The following SAMD14 variants were observed in gnomAD, a reference collection of about 807,000 sequenced individuals.
SAMD14 encodes the protein sterile alpha motif domain containing 14, also known as sterile alpha motif domain-containing protein 14.
A neutral mutation model predicts 46.2 loss-of-function variants in SAMD14; 27 were observed. That is an observed-to-expected ratio of 0.58 (90% confidence interval 0.43 to 0.81). The LOEUF (loss-of-function observed/expected upper bound fraction) is 0.81, where lower values mean the gene tolerates loss of function less well. Among genes scored for constraint, SAMD14 ranks in the 30% least tolerant of loss-of-function variants. SAMD14 has a pLI of 0.00. For missense variants in SAMD14, 559 were observed against 582.2 expected, an observed-to-expected ratio of 0.96 and a Z score of 0.41; for synonymous variants, 241 against 254.3, an observed-to-expected ratio of 0.95 and a Z score of 0.50.
rs72840634 is a variant in SAMD14 at position 50,125,890 on chromosome 17, G to A, written c.-12-919C>T. 7.4e-3 allele frequency among the ~76,000 whole-genome samples: 1,128 copies of A among 152,336 alleles called. 2 individuals are homozygous for A. The highest frequency in any genetic ancestry group is 0.015 in the South Asian group (72 of 4,830). On this transcript the variant is annotated intron_variant, in intron 1 of 9. Transcript: ENST00000330175. ...TGATGCAACTATGTTCTGGGAAGAA[G>A]TGTGAATGGGTAGGGTTTTTTTTGT...
rs1910748767 is a variant in SAMD14 at position 50,110,070 on chromosome 17, G to A, written c.*2823C>T. 6.2e-7 allele frequency: 1 copy of A among 1,610,990 alleles called. No homozygotes were observed. The highest frequency in any genetic ancestry group is 1.7e-5 in the Admixed American group (1 of 59,790). Reference sequence around the variant, plus strand: ...GGTGTGTGCCCAGCACGGAGCCCAAGAACACGTCCACGTACCGCGTCAGCT... The same window carrying A: ...GGTGTGTGCCCAGCACGGAGCCCAAAAACACGTCCACGTACCGCGTCAGCT... On this transcript the variant is annotated 3_prime_UTR_variant, in exon 10 of 10. Coordinates refer to ENST00000330175, the MANE Select transcript of SAMD14 (RefSeq NM_001257359.2).
At position 50,115,537 on chromosome 17, in the gene SAMD14, T is replaced by G. The variant is rs570788420; in HGVS notation, c.822+27A>C. 11 of 1,511,148 alleles carry G rather than the reference T, an allele frequency of 7.3e-6. No individual in the cohort carries two copies. In the African/African-American group the frequency reaches 8.4e-5, roughly 11 times the overall value. 93.6% of individuals were successfully genotyped at this position (1,511,148 alleles called of 1,614,324 possible). A position where few individuals can be genotyped will look rare whatever the true frequency, so the allele number is the denominator to read the frequency against. On this transcript the variant is annotated intron_variant, in intron 7 of 9. Coordinates refer to ENST00000330175, the MANE Select transcript of SAMD14 (RefSeq NM_001257359.2). The surrounding 1 kb of genome is among the most constrained non-coding windows in gnomAD (Gnocchi z 5.3). ...ATGTCACCTGAGACTGGGGGCCAGT[T>G]TGGGGACAAGAAAGGCATGGACTTA... is the stretch of plus-strand genomic sequence containing the variant.
chr17:50,125,145 A>G (rs1249411210), intron 1 of SAMD14, 174 bp from the exon 2 acceptor site: 1 of 613,202 alleles, frequency 1.6e-6, no homozygotes, highest in Non-Finnish European at 2.8e-6. Context: ...CATAACCCAG[A>G]TGGTGGGCGC....
chr17:50,114,057 G>T lies in SAMD14; in HGVS notation c.965C>A (p.Pro322His), dbSNP rs201563652. The change falls in exon 9 of 10, where the codon CCT becomes CAT. Residue 322 changes from proline to histidine, a missense_variant. Physicochemically the swap from Pro to His is moderately conservative, Grantham distance 77. Transcript: ENST00000330175. ...CTGCTGGCTGGTCCAGTGGTGGACA[G>T]GGGGGAGGGGTTCATCCAGGAACTG... The part of the protein sequence containing the change: ...SDEFLDEPLP[P>H]VHHWTSQQVG... 1.2e-6 allele frequency: 2 copies of T among 1,613,594 alleles called. No homozygotes were observed. The highest frequency in any genetic ancestry group is 1.7e-6 in the Non-Finnish European group (2 of 1,179,994).
At chr17:50,113,437 C>T in intron 9 of SAMD14, 1 of 251,136 alleles carries the variant, frequency 4.0e-6, no homozygotes, top group South Asian at 5.8e-5. Flanking sequence ...CTCTTTTCAC[C>T]ATCCCTGCCC....
rs543002620 is a variant in SAMD14, at chr17:50,117,738, C to G, written c.211-43G>C. On this transcript the variant is annotated intron_variant, in intron 3 of 9. Transcript: ENST00000330175. Reference sequence around the variant, plus strand: ...CGCTCACCGAGAACCCTCCTCCTCCCTTCCCGGAGGAGCTGGGAGACTTTC... The same window carrying G: ...CGCTCACCGAGAACCCTCCTCCTCCGTTCCCGGAGGAGCTGGGAGACTTTC... 2.4e-4 allele frequency: 329 copies of G among 1,397,408 alleles called. 5 individuals carry two copies. In the South Asian group the frequency reaches 5.0e-3, roughly 21 times the overall value. The allele number at this position is 1,397,408 out of a possible 1,614,324, so 86.6% of individuals were successfully genotyped here.
At chr17:50,126,214 G>T (rs1379596010) in intron 1 of SAMD14, among the ~76,000 whole-genome samples, 1 of 152,172 alleles carries the variant, frequency 6.6e-6, no homozygotes, top group East Asian at 1.9e-4. Flanking sequence ...ATGTAGGAAG[G>T]CTAGGCCACA....
intron 1 of SAMD14, among the ~76,000 whole-genome samples, chr17:50,127,458 G>A (rs868337819): frequency 2.6e-5 from 4 of 152,032 alleles, no homozygotes; most frequent in Non-Finnish European, 5.9e-5. Context: ...AAAATTAGCC[G>A]GGTGTGGTGG....
intron 7 of SAMD14, chr17:50,114,580 C>CTAA: frequency 2.1e-6 from 1 of 484,630 alleles, no homozygotes; most frequent in Non-Finnish European, 3.1e-6. Context: ...GGTGTCACTT[C>CTAA]CTACAGGCAG....
intron 9 of SAMD14, 74 bp from the exon 10 acceptor site, chr17:50,113,122 T>G: frequency 6.4e-7 from 1 of 1,559,142 alleles, no homozygotes; most frequent in Non-Finnish European, 8.7e-7. Flanking sequence ...CCAGGCTCCT[T>G]TTGCCCCAGG....
At chr17:50,126,108 GGAC>G (rs1257074500) in intron 1 of SAMD14, among the ~76,000 whole-genome samples, 1 of 152,080 alleles carries the variant, frequency 6.6e-6, no homozygotes, top group African/African-American at 2.4e-5. Flanking sequence ...TAAGGCAAGG[GGAC>G]GCTGCATGGC....
chr17:50,116,058 C>A lies in SAMD14; in HGVS notation c.532G>T (p.Ala178Ser). 6.2e-7 allele frequency: 1 copy of A among 1,613,886 alleles called. No homozygotes were observed. Among genetic ancestry groups the A allele is most frequent in the Non-Finnish European group, 8.5e-7 (1 of 1,179,864 alleles). Residue 178 changes from alanine to serine, a missense_variant, in exon 5 of 10, where the codon GCC becomes TCC. Coordinates refer to ENST00000330175, the MANE Select transcript of SAMD14 (RefSeq NM_001257359.2). ...DSRDASPPEP[A>S]SPTIGLDKKT... Reference sequence around the variant, plus strand: ...TTATCGAGGCCGATGGTGGGGCTGGCGGGCTCAGGAGGACTGGCGTCACGG... The same window carrying A: ...TTATCGAGGCCGATGGTGGGGCTGGAGGGCTCAGGAGGACTGGCGTCACGG...
chr17:50,127,058 C>T (rs936396637), intron 1 of SAMD14, among the ~76,000 whole-genome samples: 6 of 151,090 alleles, frequency 4.0e-5, no homozygotes, highest in Non-Finnish European at 7.4e-5. Flanking sequence ...CGACATCATG[C>T]CATTGCACTC....
rs986581920 is a variant in SAMD14, at chr17:50,129,607, G to C, written c.-103C>G. ...CGGGGGCCGGGCAGGAGAGGGGTGG[G>C]GGGACCGTCACCCCGGCCGCGGGGG... On this transcript the variant is annotated 5_prime_UTR_variant, in exon 1 of 10. Coordinates refer to ENST00000330175, the MANE Select transcript of SAMD14 (RefSeq NM_001257359.2). This position sits in a 1 kb window ranked among gnomAD's most constrained non-coding sequence, Gnocchi z 5.6. 1 of 152,040 alleles carries C rather than the reference G, an allele frequency of 6.6e-6. No homozygotes were observed. Among genetic ancestry groups the C allele is most frequent in the Non-Finnish European group, 1.5e-5 (1 of 68,004 alleles). 9.4% of individuals were successfully genotyped at this position (152,040 alleles called of 1,614,324 possible).
chr17:50,114,571 G>GTTTT, intron 7 of SAMD14: 1 of 791,766 alleles, frequency 1.3e-6, no homozygotes, highest in African/African-American at 1.8e-5. Flanking sequence ...CTCAGGCAAG[G>GTTTT]TGTCACTTCC....
At chr17:50,126,087 C>T (rs975887057) in intron 1 of SAMD14, among the ~76,000 whole-genome samples, 1 of 152,016 alleles carries the variant, frequency 6.6e-6, no homozygotes, top group Non-Finnish European at 1.5e-5. Flanking sequence ...GCCCAGGGGC[C>T]ATTGATGGTT....
chr17:50,120,072 A>G (rs1002447104), intron 2 of SAMD14, among the ~76,000 whole-genome samples: 3 of 152,216 alleles, frequency 2.0e-5, no homozygotes, highest in Admixed American at 6.5e-5. Flanking sequence ...ACTAGGTTCC[A>G]CATAATCCAG....
chr17:50,117,968 G>C, intron 3 of SAMD14, 193 bp downstream of exon 3: 1 of 693,408 alleles, frequency 1.4e-6, no homozygotes, highest in Non-Finnish European at 2.2e-6. Context: ...GCTGTAAAAT[G>C]GGGCTAATAA....
chr17:50,124,758 T>TGCACGC (rs149885965), intron 2 of SAMD14, among the ~76,000 whole-genome samples, 159 bp downstream of exon 2: 3,209 of 84,896 alleles, frequency 0.038, 73 homozygotes, highest in African/African-American at 0.1. Flanking sequence ...CCTGCACGCG[T>TGCACGC]GCACGCGCGC....
Sources: allele counts gnomAD v4.1 joint callset (sites outside exome capture counted in the v4.1 genomes callset), GRCh38; gene constraint gnomAD v4.1.1; non-coding constraint Gnocchi (gnomAD v3.1); transcripts MANE v1.5; gene names NCBI Gene and HGNC (gene_info 2026-07-23, HGNC 2026-07-21).